The following AGO2 variants were observed in gnomAD, a reference collection of about 807,000 sequenced individuals.
AGO2 encodes argonaute RISC catalytic component 2, also known as protein argonaute-2.
AGO2 carries 5 observed loss-of-function variants against 102.3 expected under a neutral mutation model. That is an observed-to-expected ratio of 0.05 (90% confidence interval 0.03 to 0.10). AGO2 has a LOEUF of 0.10. AGO2 is among the 10% of genes least tolerant of loss of function. The pLI, the probability that AGO2 is intolerant of heterozygous loss-of-function variation, is 1.00. For missense variants in AGO2, 541 were observed against 1,183.7 expected, an observed-to-expected ratio of 0.46 and a Z score of 7.97; for synonymous variants, 449 against 473.1, an observed-to-expected ratio of 0.95 and a Z score of 0.66.
intron 1 of AGO2, among the ~76,000 whole-genome samples, chr8:140,617,355 G>T (rs2074154136): frequency 6.6e-6 from 1 of 151,922 alleles, no homozygotes; most frequent in Non-Finnish European, 1.5e-5. Flanking sequence ...GGGTTTAAGT[G>T]ACCCTCCTGC....
At position 140,531,086 on chromosome 8, in the gene AGO2, A is replaced by T. The variant is rs1235391303; in HGVS notation, c.*958T>A. The T allele has an allele frequency of 6.6e-6, 1 of 152,300 alleles. No homozygotes were observed. Among genetic ancestry groups the T allele is most frequent in the Non-Finnish European group, 1.5e-5 (1 of 68,052 alleles). 9.4% of individuals were successfully genotyped at this position (152,300 alleles called of 1,614,324 possible). A position where few individuals can be genotyped will look rare whatever the true frequency, so the allele number is the denominator to read the frequency against. On this transcript the variant is annotated 3_prime_UTR_variant, in exon 19 of 19. Transcript: ENST00000220592. ...CGGTCCCATCTCCAGGCTCCAAAAC[A>T]CTCTTGATATGCCAAACAGATCACA...
chr8:140,619,437 G>A (rs1563652871), intron 1 of AGO2, among the ~76,000 whole-genome samples: 1 of 152,344 alleles, frequency 6.6e-6, no homozygotes, highest in East Asian at 1.9e-4. Context: ...CTGGGGCCCA[G>A]AGGCACGGCT....
chr8:140,585,076 G>GC, intron 2 of AGO2, 43 bp downstream of exon 2: 1 of 1,571,548 alleles, frequency 6.4e-7, no homozygotes, highest in Non-Finnish European at 8.7e-7. Flanking sequence ...GTGTCTGTCC[G>GC]CGCAGACCAC....
At chr8:140,580,814 C>A (rs993803969) in intron 2 of AGO2, among the ~76,000 whole-genome samples, 1 of 152,246 alleles carries the variant, frequency 6.6e-6, no homozygotes, top group Non-Finnish European at 1.5e-5. Context: ...AAGGTTCCTC[C>A]GTCTAGGCAG....
chr8:140,566,073 T>A (rs548570615), intron 3 of AGO2, among the ~76,000 whole-genome samples: 2 of 152,058 alleles, frequency 1.3e-5, no homozygotes, highest in Non-Finnish European at 2.9e-5. Flanking sequence ...TTTGACTGCA[T>A]GGGGAATCAG....
chr8:140,639,008 A>C (rs1313448496), upstream of AGO2, among the ~76,000 whole-genome samples: 1 of 152,070 alleles, frequency 6.6e-6, no homozygotes, highest in Non-Finnish European at 1.5e-5. Context: ...CTCCCAAGTT[A>C]CTAGGACTAC....
At chr8:140,568,287 GA>G (rs4058201) in intron 3 of AGO2, among the ~76,000 whole-genome samples, 48 of 132,042 alleles carry the variant, frequency 3.6e-4, no homozygotes, top group Non-Finnish European at 4.2e-4. Context: ...ATGTCTGGGG[GA>G]AAAAAAAAAA....
At chr8:140,600,997 C>G (rs988580993) in intron 1 of AGO2, among the ~76,000 whole-genome samples, 9 of 152,184 alleles carry the variant, frequency 5.9e-5, no homozygotes, top group Admixed American at 5.2e-4. Flanking sequence ...CATTTGTGTG[C>G]AGGCCACAGC....
Position 140,530,785 on chromosome 8 carries a change from C to T in AGO2, c.*1259G>A, listed in dbSNP as rs1243340400. 2.0e-5 allele frequency: 3 copies of T among 152,398 alleles called. No individual in the cohort carries two copies. Among genetic ancestry groups the T allele is most frequent in the African/African-American group, 7.2e-5 (3 of 41,472 alleles). The allele number at this position is 152,398 out of a possible 1,614,324, so 9.4% of individuals were successfully genotyped here. ...TTTCTACGAATCTCAGTGCATAGAT[C>T]TATGGAAGTCATCTGACAAAAGAGC... is the stretch of plus-strand genomic sequence containing the variant. On this transcript the variant is annotated 3_prime_UTR_variant, in exon 19 of 19. Transcript: ENST00000220592.
chr8:140,572,792 G>T lies in AGO2; in HGVS notation c.336+20C>A. The T allele has an allele frequency of 6.2e-7, 1 of 1,606,784 alleles. No individual in the cohort carries two copies. On this transcript the variant is annotated intron_variant, in intron 3 of 18. Transcript: ENST00000220592. Reference sequence around the variant, plus strand: ...ACTTCACCGTATGTTACTCCACCAAGGGCATCCCGGCGAGCTTACCTTGTC... The same window carrying T: ...ACTTCACCGTATGTTACTCCACCAATGGCATCCCGGCGAGCTTACCTTGTC...
chr8:140,585,642 G>T (rs2073644390), intron 1 of AGO2, among the ~76,000 whole-genome samples: 1 of 152,214 alleles, frequency 6.6e-6, no homozygotes. Context: ...CTCCCTTGCT[G>T]CTGCTTAAAC....
At chr8:140,593,533 T>G (rs561910850) in intron 1 of AGO2, among the ~76,000 whole-genome samples, 1 of 140,066 alleles carries the variant, frequency 7.1e-6, no homozygotes, top group Non-Finnish European at 1.5e-5. Context: ...GTATCTGTGC[T>G]AAGCAGCTAG....
chr8:140,605,467 C>G (rs1049419784), intron 1 of AGO2, among the ~76,000 whole-genome samples: 1 of 152,188 alleles, frequency 6.6e-6, no homozygotes, highest in Non-Finnish European at 1.5e-5. Context: ...AATGGGATAA[C>G]CCAGCCTGGG....
At chr8:140,541,141 G>A in intron 15 of AGO2, 23 bp downstream of exon 15, 1 of 1,527,884 alleles carries the variant, frequency 6.5e-7, no homozygotes, top group Non-Finnish European at 8.8e-7. Flanking sequence ...AGAAGGGGAG[G>A]GAAGGTTCCA....
Position 140,595,910 on chromosome 8 carries a change from TAATA to T in AGO2, c.23-10603_23-10600del, listed in dbSNP as rs549330834. Among the ~76,000 whole-genome samples, 429 of 120,250 alleles carry T rather than the reference TAATA, an allele frequency of 3.6e-3. 9 individuals are homozygous for T. Among genetic ancestry groups the T allele is most frequent in the African/African-American group, 0.013 (405 of 30,470 alleles). 78.9% of individuals were successfully genotyped at this position (120,250 alleles called of 152,430 possible). ...ATAATTATATATATTATGTATTATA[TAATA>T]TATATTATGTATATAAATTATATAA... On this transcript the variant is annotated intron_variant, in intron 1 of 18. Transcript: ENST00000220592.
chr8:140,639,666 A>G (rs1256396368), upstream of AGO2, among the ~76,000 whole-genome samples: 1 of 151,926 alleles, frequency 6.6e-6, no homozygotes, highest in East Asian at 1.9e-4. Flanking sequence ...CCAGCTACTC[A>G]GGAGACTGAG....
intron 1 of AGO2, among the ~76,000 whole-genome samples, chr8:140,602,753 A>G (rs2073949152): frequency 6.6e-6 from 1 of 152,230 alleles, no homozygotes; most frequent in African/African-American, 2.4e-5. Flanking sequence ...TGAAATGTCA[A>G]TTCTAAACAC....
intron 1 of AGO2, among the ~76,000 whole-genome samples, chr8:140,623,945 G>A (rs2074244980): frequency 6.6e-6 from 1 of 152,198 alleles, no homozygotes; most frequent in South Asian, 2.1e-4. Context: ...GGCGAACACT[G>A]CATAGACACA....
chr8:140,555,844 C>CAGGGCAGA, intron 10 of AGO2, 52 bp downstream of exon 10: 1 of 1,581,332 alleles, frequency 6.3e-7, no homozygotes, highest in South Asian at 1.1e-5. Flanking sequence ...AGAGGGGTCG[C>CAGGGCAGA]AGGGCAGAGA....
Sources: gnomAD v4.1 joint callset for allele counts (sites outside exome capture counted in the v4.1 genomes callset) on GRCh38, gnomAD v4.1.1 for gene constraint, MANE v1.5 for transcripts, NCBI Gene and HGNC (gene_info 2026-07-23, HGNC 2026-07-21) for gene names.